The following PCDH9 variants were observed in gnomAD, a reference collection of about 807,000 sequenced individuals.
PCDH9 encodes protocadherin-9.
In PCDH9, 24 loss-of-function variants were observed where a neutral mutation model predicts 70.6. The observed-to-expected ratio is 0.34, with a 90% CI of 0.25 to 0.48. The LOEUF (loss-of-function observed/expected upper bound fraction) is 0.48, where lower values mean the gene tolerates loss of function less well. PCDH9 is among the 20% of genes least tolerant of loss of function. PCDH9 has a pLI of 0.99. For missense variants in PCDH9, 1,281 were observed against 1,503.6 expected, an observed-to-expected ratio of 0.85 and a Z score of 2.45; for synonymous variants, 562 against 558.5, an observed-to-expected ratio of 1.01 and a Z score of -0.09.
intron 3 of PCDH9, among the ~76,000 whole-genome samples, chr13:66,673,595 T>G (rs998674551): frequency 1.8e-4 from 27 of 152,126 alleles, no homozygotes; most frequent in African/African-American, 6.0e-4. Flanking sequence ...GGGAACAGAT[T>G]CTACTTCAAA....
intron 4 of PCDH9, among the ~76,000 whole-genome samples, chr13:66,342,499 CT>C (rs2138148117): frequency 6.6e-6 from 1 of 152,262 alleles, no homozygotes; most frequent in South Asian, 2.1e-4. Context: ...TAATATTCTC[CT>C]TTTACCAATA....
At chr13:66,851,398 AT>A (rs1236851140) in intron 3 of PCDH9, among the ~76,000 whole-genome samples, 8 of 152,316 alleles carry the variant, frequency 5.3e-5, no homozygotes, top group South Asian at 2.1e-4. Context: ...TCAAAAAAAA[AT>A]AACTTAAAAT....
intron 4 of PCDH9, among the ~76,000 whole-genome samples, chr13:66,537,801 T>C (rs932681246): frequency 2.6e-5 from 4 of 152,140 alleles, no homozygotes; most frequent in African/African-American, 9.6e-5. Context: ...GGAAGTGTTC[T>C]AGCTTTGGTA....
intron 2 of PCDH9, among the ~76,000 whole-genome samples, chr13:67,138,082 T>A (rs1221473563): frequency 1.3e-5 from 2 of 151,524 alleles, no homozygotes; most frequent in African/African-American, 4.8e-5. Flanking sequence ...CCACTTTAGC[T>A]AAATTAAAAA....
chr13:66,445,215 A>AT (rs1003262698), intron 4 of PCDH9, among the ~76,000 whole-genome samples: 4 of 147,006 alleles, frequency 2.7e-5, no homozygotes, highest in South Asian at 4.2e-4. Flanking sequence ...AATATATATA[A>AT]TTTTTTTGCC....
In PCDH9 at chr13:66,549,673, G is replaced by A. The variant is rs141778808; in HGVS notation, c.3340+81537C>T. Among the ~76,000 whole-genome samples, 654 of 151,978 alleles carry A rather than the reference G, an allele frequency of 4.3e-3. 2 individuals are homozygous for A. Among genetic ancestry groups the A allele is most frequent in the African/African-American group, 0.015 (626 of 41,446 alleles). The stretch of plus-strand genomic sequence containing the variant: ...ATCAAAAATTTGATCTAAATATTAG[G>A]TATATCTTCGGAGCACCTATAAAGA... On this transcript the variant is annotated intron_variant, in intron 4 of 4. Coordinates refer to ENST00000377865, the MANE Select transcript of PCDH9 (RefSeq NM_203487.3).
intron 2 of PCDH9, chr13:67,211,519 T>A (rs1024752802): frequency 6.6e-6 from 1 of 152,104 alleles, no homozygotes; most frequent in African/African-American, 2.4e-5. Flanking sequence ...GACCTTCCTA[T>A]ATAAACATTT....
At chr13:66,544,453 T>C (rs758420082) in intron 4 of PCDH9, among the ~76,000 whole-genome samples, 2 of 152,122 alleles carry the variant, frequency 1.3e-5, no homozygotes, top group Non-Finnish European at 2.9e-5. Flanking sequence ...AGCCCCCGAA[T>C]TGGAGCTTAG....
intron 2 of PCDH9, among the ~76,000 whole-genome samples, chr13:67,177,055 A>T (rs2088481517): frequency 6.6e-6 from 1 of 152,114 alleles, no homozygotes; most frequent in Admixed American, 6.6e-5. Flanking sequence ...TAAAGTATCT[A>T]TTGTGAATAA....
At position 67,151,245 on chromosome 13, in the gene PCDH9, C is replaced by A. The variant is rs9571723; in HGVS notation, c.3036+74160G>T. Among the ~76,000 whole-genome samples the A allele has an allele frequency of 0.011, 1,730 of 152,072 alleles. 75 individuals carry two copies. In the East Asian group the frequency reaches 0.12, roughly 11 times the overall value. Reference sequence around the variant, plus strand: ...ATCTCTGTACTATCTTGAAATAGGGCCATTTATTGTGATTTCTCTGCTACT... The same window carrying A: ...ATCTCTGTACTATCTTGAAATAGGGACATTTATTGTGATTTCTCTGCTACT... On this transcript the variant is annotated intron_variant, in intron 2 of 4. Transcript: ENST00000377865.
At chr13:66,653,112 G>A (rs986787621) in intron 3 of PCDH9, among the ~76,000 whole-genome samples, 3 of 152,106 alleles carry the variant, frequency 2.0e-5, no homozygotes, top group Admixed American at 2.0e-4. Context: ...TACCCTACAA[G>A]CACAGACAAA....
At chr13:66,324,668 T>G (rs1955811582) in intron 4 of PCDH9, among the ~76,000 whole-genome samples, 1 of 152,060 alleles carries the variant, frequency 6.6e-6, no homozygotes, top group Non-Finnish European at 1.5e-5. Context: ...GAATAGGCAC[T>G]GTGAGAGTGG....
intron 2 of PCDH9, among the ~76,000 whole-genome samples, chr13:67,193,539 C>G (rs2088977801): frequency 6.6e-6 from 1 of 151,950 alleles, no homozygotes; most frequent in African/African-American, 2.4e-5. Flanking sequence ...AAAGAAAGAA[C>G]ATGAATTTCA....
At position 67,037,512 on chromosome 13, in the gene PCDH9, A is replaced by G. The variant is rs1285016749; in HGVS notation, c.3037-133907T>C. 7.2e-5 allele frequency among the ~76,000 whole-genome samples: 11 copies of G among 152,310 alleles called. No homozygotes were observed. In the East Asian group the frequency reaches 2.1e-3, roughly 29 times the overall value. ...ACTCTGGCTATCCTTGTGAATTATC[A>G]TGACCCAAATTGACAGAATATAAAT... is the stretch of plus-strand genomic sequence containing the variant. On this transcript the variant is annotated intron_variant, in intron 2 of 4. Transcript: ENST00000377865.
chr13:66,636,059 T>A (rs1481509484), intron 3 of PCDH9, among the ~76,000 whole-genome samples: 2 of 152,174 alleles, frequency 1.3e-5, no homozygotes, highest in Non-Finnish European at 1.5e-5. Flanking sequence ...CTAAATTGAA[T>A]TGCATTTTTG....
chr13:66,783,346 G>T (rs2080029913), intron 3 of PCDH9, among the ~76,000 whole-genome samples: 1 of 149,978 alleles, frequency 6.7e-6, no homozygotes, highest in African/African-American at 2.5e-5. Flanking sequence ...GCTCAAAAGT[G>T]ACTGGCTAGG....
intron 3 of PCDH9, among the ~76,000 whole-genome samples, chr13:66,846,451 T>C (rs951579188): frequency 1.3e-5 from 2 of 152,146 alleles, no homozygotes; most frequent in Non-Finnish European, 2.9e-5. Flanking sequence ...CCACCTAAAA[T>C]ACTAGAAGTG....
chr13:66,717,096 T>G (rs1053114539), intron 3 of PCDH9, among the ~76,000 whole-genome samples: 1 of 152,032 alleles, frequency 6.6e-6, no homozygotes, highest in Non-Finnish European at 1.5e-5. Context: ...TTTTATTTAT[T>G]TTTTAACTCC....
At chr13:67,093,432 T>C (rs1566420231) in intron 2 of PCDH9, among the ~76,000 whole-genome samples, 2 of 152,028 alleles carry the variant, frequency 1.3e-5, no homozygotes, top group South Asian at 4.2e-4. Flanking sequence ...CTAGCCTGAG[T>C]GAAAAGAGTG....
Sources: gnomAD v4.1 joint callset for allele counts (sites outside exome capture counted in the v4.1 genomes callset) on GRCh38, gnomAD v4.1.1 for gene constraint, MANE v1.5 for transcripts, NCBI Gene and HGNC (gene_info 2026-07-23, HGNC 2026-07-21) for gene names.